Variants in RUNX2 observed in about 807,000 individuals in gnomAD.
RUNX2 encodes RUNX family transcription factor 2.
Under a neutral mutation model 51.7 loss-of-function variants are expected in RUNX2, and 10 were observed. The observed-to-expected ratio is 0.19, with a 90% CI of 0.12 to 0.33. The LOEUF is 0.33. Among genes scored for constraint, RUNX2 ranks in the 10% least tolerant of loss-of-function variants. The pLI is 1.00. For missense variants in RUNX2, 562 were observed against 691.3 expected (o/e 0.81, Z 2.10); for synonymous variants, 276 against 273.6 (o/e 1.01, Z -0.09).
At chr6:45,514,712 G>A (rs2150423778) in intron 7 of RUNX2, among the ~76,000 whole-genome samples, 1 of 152,274 alleles carries the variant, frequency 6.6e-6, no homozygotes, top group South Asian at 2.1e-4. Context: ...CCCAAGCACT[G>A]CCTGGTGGAC....
At chr6:45,400,164 A>G (rs1023678858) in intron 2 of RUNX2, among the ~76,000 whole-genome samples, 68 of 143,524 alleles carry the variant, frequency 4.7e-4, no homozygotes, top group African/African-American at 1.7e-3. Flanking sequence ...GGAAAGAAGG[A>G]AGGAAGGAAA....
intron 5 of RUNX2, among the ~76,000 whole-genome samples, chr6:45,480,177 G>C (rs947661054): frequency 1.3e-5 from 2 of 152,266 alleles, no homozygotes; most frequent in Non-Finnish European, 2.9e-5. Flanking sequence ...TTAAGAAAGA[G>C]TGGATGGATA....
At chr6:45,397,577 G>A (rs1377344900) in intron 2 of RUNX2, among the ~76,000 whole-genome samples, 1 of 152,084 alleles carries the variant, frequency 6.6e-6, no homozygotes, top group African/African-American at 2.4e-5. Flanking sequence ...GTGTGAAATC[G>A]TGTCTCATAA....
intron 2 of RUNX2, among the ~76,000 whole-genome samples, chr6:45,392,770 T>C (rs544351223): frequency 6.6e-6 from 1 of 152,160 alleles, no homozygotes; most frequent in Non-Finnish European, 1.5e-5. Flanking sequence ...TAAGGTTTAG[T>C]GTCTCTCATT....
chr6:45,493,558 T>C (rs1204114679), intron 6 of RUNX2, among the ~76,000 whole-genome samples: 7 of 152,026 alleles, frequency 4.6e-5, no homozygotes. Context: ...CAATGATTGC[T>C]GTTTGGGTTA....
intron 6 of RUNX2, among the ~76,000 whole-genome samples, chr6:45,506,628 A>G (rs1800976059): frequency 6.6e-6 from 1 of 152,218 alleles, no homozygotes; most frequent in South Asian, 2.1e-4. Context: ...TTAAAAAAAC[A>G]TAAAAATATT....
intron 2 of RUNX2, among the ~76,000 whole-genome samples, chr6:45,394,000 G>A (rs986224362): frequency 1.3e-5 from 2 of 149,830 alleles, no homozygotes; most frequent in African/African-American, 2.5e-5. Context: ...TCTGCTTCCC[G>A]GGTCCCGGTT....
At chr6:45,467,785 T>C (rs545926224) in intron 5 of RUNX2, among the ~76,000 whole-genome samples, 2 of 152,354 alleles carry the variant, frequency 1.3e-5, no homozygotes, top group South Asian at 4.1e-4. Context: ...ATTCTAGCCG[T>C]CTTCAATGTC....
intron 4 of RUNX2, among the ~76,000 whole-genome samples, chr6:45,433,808 C>G (rs1798609088): frequency 6.6e-6 from 1 of 152,192 alleles, no homozygotes; most frequent in African/African-American, 2.4e-5. Context: ...ACAGACTTAA[C>G]TGCTTGCAGA....
intron 6 of RUNX2, among the ~76,000 whole-genome samples, chr6:45,502,976 A>G (rs1206959427): frequency 6.6e-6 from 1 of 152,210 alleles, no homozygotes; most frequent in Non-Finnish European, 1.5e-5. Flanking sequence ...TATCAAGTAC[A>G]TAAAAAAATG....
At chr6:45,459,479 T>C (rs989833942) in intron 5 of RUNX2, among the ~76,000 whole-genome samples, 3 of 152,298 alleles carry the variant, frequency 2.0e-5, no homozygotes, top group Admixed American at 2.0e-4. Flanking sequence ...AAGTTTTACT[T>C]TGGAAGAATT....
chr6:45,340,665 T>C (rs1279307469), intron 2 of RUNX2, among the ~76,000 whole-genome samples: 1 of 152,120 alleles, frequency 6.6e-6, no homozygotes, highest in Non-Finnish European at 1.5e-5. Flanking sequence ...TTCAAGGAAT[T>C]AGATAATTCT....
chr6:45,354,316 T>C (rs1456819263), intron 2 of RUNX2, among the ~76,000 whole-genome samples: 1 of 152,134 alleles, frequency 6.6e-6, no homozygotes, highest in Non-Finnish European at 1.5e-5. Context: ...AACATAGTTG[T>C]TCACAATATA....
chr6:45,355,297 T>A (rs1792937031), intron 2 of RUNX2, among the ~76,000 whole-genome samples: 1 of 152,008 alleles, frequency 6.6e-6, no homozygotes, highest in African/African-American at 2.4e-5. Context: ...ATTTAATAAT[T>A]AAGGTGTTAA....
At chr6:45,353,550 TG>T (rs1792512839) in intron 2 of RUNX2, among the ~76,000 whole-genome samples, 1 of 152,078 alleles carries the variant, frequency 6.6e-6, no homozygotes, top group South Asian at 2.1e-4. Context: ...TAATTTGAGA[TG>T]GTAAGTACAC....
At chr6:45,332,783 T>C (rs1208192788) in intron 2 of RUNX2, among the ~76,000 whole-genome samples, 1 of 151,730 alleles carries the variant, frequency 6.6e-6, no homozygotes, top group African/African-American at 2.4e-5. Flanking sequence ...AATACTAAAA[T>C]TGTAATTATG....
At chr6:45,425,006 T>C (rs540506966) in intron 3 of RUNX2, among the ~76,000 whole-genome samples, 2 of 152,284 alleles carry the variant, frequency 1.3e-5, no homozygotes, top group South Asian at 4.1e-4. Flanking sequence ...ATTAGTCTTA[T>C]ATGAGAATGG....
chr6:45,498,051 A>C (rs1800697676), intron 6 of RUNX2, among the ~76,000 whole-genome samples: 1 of 152,160 alleles, frequency 6.6e-6, no homozygotes, highest in African/African-American at 2.4e-5. Context: ...AGACAGGTGG[A>C]ATAACTCACC....
chr6:45,476,586 G>A (rs570384707), intron 5 of RUNX2, among the ~76,000 whole-genome samples: 2 of 152,256 alleles, frequency 1.3e-5, no homozygotes, highest in Middle Eastern at 3.4e-3. Context: ...AGTTGGGAGG[G>A]CTTTTAGACT....
Sources: gnomAD v4.1 joint callset for allele counts (sites outside exome capture counted in the v4.1 genomes callset) on GRCh38, gnomAD v4.1.1 for gene constraint, MANE v1.5 for transcripts, NCBI Gene and HGNC (gene_info 2026-07-23, HGNC 2026-07-21) for gene names.